Variants in OR2L13 observed in about 807,000 individuals in gnomAD.
OR2L13 encodes the protein olfactory receptor family 2 subfamily L member 13.
Under a neutral mutation model 15.3 loss-of-function variants are expected in OR2L13, and 14 were observed. The ratio of observed to expected loss-of-function variants is 0.91; its 90% CI spans 0.60 to 1.43. The LOEUF (loss-of-function observed/expected upper bound fraction) is 1.43, where lower values mean the gene tolerates loss of function less well. OR2L13 is among the 40% of genes most tolerant of loss of function. OR2L13 has a pLI of 0.00. For synonymous variants in OR2L13, 152 were observed against 142.9 expected (o/e 1.06, Z -0.45); for missense variants, 367 against 387.9 (o/e 0.95, Z 0.45).
At chr1:248,077,976 G>T in the OR2L13 span, among the ~76,000 whole-genome samples, 31 of 152,068 alleles carry the variant, frequency 2.0e-4, no homozygotes, top group Middle Eastern at 6.8e-3. Context: ...AATGATAAAA[G>T]ACATTAAGAG....
the OR2L13 span, among the ~76,000 whole-genome samples, chr1:248,016,414 A>C: frequency 1.3e-5 from 2 of 152,134 alleles, no homozygotes; most frequent in African/African-American, 2.4e-5. Context: ...TTTCTTTGAA[A>C]ATATGTATGA....
chr1:247,976,890 A>G, the OR2L13 span, among the ~76,000 whole-genome samples: 5 of 152,314 alleles, frequency 3.3e-5, no homozygotes, highest in African/African-American at 1.2e-4. Flanking sequence ...TTTTACCTTT[A>G]ATGCATTGTT....
chr1:248,068,221 T>C, the OR2L13 span, among the ~76,000 whole-genome samples: 75 of 152,176 alleles, frequency 4.9e-4, no homozygotes, highest in South Asian at 2.7e-3. Context: ...CCCTGACCCC[T>C]GAGCAGCCTA....
the OR2L13 span, among the ~76,000 whole-genome samples, chr1:247,938,211 G>C: frequency 6.6e-6 from 1 of 152,068 alleles, no homozygotes; most frequent in East Asian, 1.9e-4. Context: ...GGTGTGCTAA[G>C]GAGTTTTATT....
chr1:248,024,702 A>C, the OR2L13 span, among the ~76,000 whole-genome samples: 1 of 152,172 alleles, frequency 6.6e-6, no homozygotes, highest in Admixed American at 6.5e-5. Flanking sequence ...GGTTTGTCAA[A>C]GATCAGATAG....
chr1:248,057,227 C>T, the OR2L13 span, among the ~76,000 whole-genome samples: 442 of 152,062 alleles, frequency 2.9e-3, 7 homozygotes, highest in African/African-American at 1.0e-2. Context: ...CTAATAGTGA[C>T]GGTGGGGTAT....
At chr1:248,085,469 C>CAAA in the OR2L13 span, among the ~76,000 whole-genome samples, 1,471 of 67,874 alleles carry the variant, frequency 0.022, 96 homozygotes, top group African/African-American at 0.053. Flanking sequence ...AGAGAAGCAC[C>CAAA]AAAAAAAAAA....
chr1:248,022,347 C>T, the OR2L13 span: 44 of 1,613,992 alleles, frequency 2.7e-5, 1 homozygote, highest in African/African-American at 3.3e-4. Context: ...CTATCCCATC[C>T]GTATGAGCAA....
the OR2L13 span, among the ~76,000 whole-genome samples, chr1:248,056,083 G>T: frequency 1.3e-5 from 2 of 152,166 alleles, no homozygotes; most frequent in African/African-American, 2.4e-5. Flanking sequence ...ATTCTCTGTT[G>T]GTTGTTTGTG....
chr1:248,008,662 T>C, the OR2L13 span, among the ~76,000 whole-genome samples: 1 of 152,108 alleles, frequency 6.6e-6, no homozygotes, highest in Non-Finnish European at 1.5e-5. Flanking sequence ...TTCAGGACTT[T>C]AACTCAGCTC....
At chr1:248,038,618 G>A in the OR2L13 span, 1 of 1,614,152 alleles carries the variant, frequency 6.2e-7, no homozygotes, top group Non-Finnish European at 8.5e-7. Context: ...TGACATCAAT[G>A]GCCTATGATC....
At chr1:247,965,552 T>G in the OR2L13 span, 1 of 1,610,292 alleles carries the variant, frequency 6.2e-7, no homozygotes, top group Non-Finnish European at 8.5e-7. Context: ...CACACTCCAA[T>G]GTACTTTCTG....
the OR2L13 span, among the ~76,000 whole-genome samples, chr1:247,960,961 G>C: frequency 6.6e-6 from 1 of 152,076 alleles, no homozygotes; most frequent in African/African-American, 2.4e-5. Context: ...CCCACTGTCC[G>C]ACAATCCTGT....
chr1:248,037,688 G>C, the OR2L13 span, among the ~76,000 whole-genome samples: 1 of 152,126 alleles, frequency 6.6e-6, no homozygotes, highest in Non-Finnish European at 1.5e-5. Context: ...ACTAAACTAA[G>C]GATTTTTAAA....
the OR2L13 span, among the ~76,000 whole-genome samples, chr1:247,963,744 C>T: frequency 1.3e-5 from 2 of 152,102 alleles, no homozygotes; most frequent in African/African-American, 4.8e-5. Flanking sequence ...TCATATATGT[C>T]CTCTGTCCTC....
chr1:248,077,595 T>A, the OR2L13 span, among the ~76,000 whole-genome samples: 1 of 152,224 alleles, frequency 6.6e-6, no homozygotes. Context: ...CAGGAATTTA[T>A]CCATTTGACA....
the OR2L13 span, among the ~76,000 whole-genome samples, chr1:248,012,079 C>G: frequency 6.6e-6 from 1 of 152,134 alleles, no homozygotes; most frequent in African/African-American, 2.4e-5. Context: ...GTTCCTTATT[C>G]TAATCACTTC....
chr1:247,972,042 G>C, the OR2L13 span, among the ~76,000 whole-genome samples: 2 of 152,098 alleles, frequency 1.3e-5, no homozygotes, highest in African/African-American at 2.4e-5. Context: ...CGAAATTAAG[G>C]CTTAAATAAA....
the OR2L13 span, among the ~76,000 whole-genome samples, chr1:247,958,528 T>C: frequency 6.6e-6 from 1 of 152,328 alleles, no homozygotes; most frequent in East Asian, 1.9e-4. Flanking sequence ...ATCTTTCTAA[T>C]GTTGACAGTG....
Sources: allele counts gnomAD v4.1 joint callset (sites outside exome capture counted in the v4.1 genomes callset), GRCh38; gene constraint gnomAD v4.1.1; transcripts MANE v1.5; gene names NCBI Gene and HGNC (gene_info 2026-07-23, HGNC 2026-07-21).